Variants in EAPP observed in about 807,000 individuals in gnomAD.
EAPP encodes the protein E2F-associated phosphoprotein.
In EAPP, 38 loss-of-function variants were observed where a neutral mutation model predicts 34.3. The ratio of observed to expected loss-of-function variants is 1.11; its 90% CI spans 0.85 to 1.45. EAPP has a LOEUF of 1.45. EAPP is among the 40% of genes most tolerant of loss of function. The pLI is 0.00. For synonymous variants in EAPP, 113 were observed against 117.6 expected (o/e 0.96, Z 0.25); for missense variants, 338 against 343.7 (o/e 0.98, Z 0.13).
Position 34,518,236 on chromosome 14 carries a change from T to C in EAPP, c.582-1650A>G, listed in dbSNP as rs550901205. ...GTTTCTTTATGGTTTTCTATCTGGATGATCTGTCCATTACTGAGAGTGGAG... is the reference window on the plus strand; with the variant it reads ...GTTTCTTTATGGTTTTCTATCTGGACGATCTGTCCATTACTGAGAGTGGAG... On this transcript the variant is annotated intron_variant, in intron 5 of 5. Transcript: ENST00000250454. Among the ~76,000 whole-genome samples the C allele has an allele frequency of 1.4e-4, 21 of 152,144 alleles. 1 individual carries two copies. The South Asian group carries it at 4.3e-3, about 32-fold the overall frequency.
At chr14:34,521,921 A>C (rs1217485488) in intron 5 of EAPP, among the ~76,000 whole-genome samples, 1 of 152,100 alleles carries the variant, frequency 6.6e-6, no homozygotes, top group Non-Finnish European at 1.5e-5. Flanking sequence ...GGCGTGAGCC[A>C]CTGTGCCCGG....
intron 3 of EAPP, 55 bp from the exon 4 acceptor site, chr14:34,529,530 C>CA: frequency 8.1e-7 from 1 of 1,230,740 alleles, no homozygotes; most frequent in Non-Finnish European, 1.2e-6. Flanking sequence ...GTTCACACTT[C>CA]TTTAAATGAA....
chr14:34,539,159 CAACA>C (rs1880572553), intron 1 of EAPP: 1 of 338,638 alleles, frequency 3.0e-6, no homozygotes, highest in South Asian at 2.5e-5. Flanking sequence ...GTGAGCCTCA[CAACA>C]AACATAGTGT....
In EAPP at chr14:34,536,138, G is replaced by C; in HGVS notation, c.212C>G (p.Ser71Cys). The change falls in exon 2 of 6, where the codon TCT becomes TGT. Residue 71 changes from serine (S) to cysteine (C), a missense_variant. Ser to Cys is a moderately radical substitution (Grantham distance 112, BLOSUM62 -1). Transcript: ENST00000250454. ...FEKEMEAELN[S>C]TMKTMEDKLS... ...CTTGTCCTCCATTGTTTTCATGGTAGAATTTAATTCAGCTTCCATCTCCTT... is the reference window on the plus strand; with the variant it reads ...CTTGTCCTCCATTGTTTTCATGGTACAATTTAATTCAGCTTCCATCTCCTT... The C allele has an allele frequency of 2.5e-6, 4 of 1,612,466 alleles. No homozygotes were observed. Among genetic ancestry groups the C allele is most frequent in the Non-Finnish European group, 1.7e-6 (2 of 1,179,544 alleles).
At chr14:34,531,384 C>T (rs549640421) in intron 3 of EAPP, among the ~76,000 whole-genome samples, 60 of 152,104 alleles carry the variant, frequency 3.9e-4, no homozygotes, top group African/African-American at 1.3e-3. Context: ...GGGCGGATCA[C>T]GAGGTCAGGA....
chr14:34,529,581 C>T, intron 3 of EAPP, 106 bp from the exon 4 acceptor site: 1 of 962,868 alleles, frequency 1.0e-6, no homozygotes, highest in Non-Finnish European at 1.6e-6. Context: ...TATATTTTCC[C>T]TAAAAAGTTA....
chr14:34,529,129 C>T (rs932483699), intron 4 of EAPP, among the ~76,000 whole-genome samples: 1 of 151,974 alleles, frequency 6.6e-6, no homozygotes, highest in African/African-American at 2.4e-5. Flanking sequence ...GTGCAAGACT[C>T]TGTCTCAAAA....
chr14:34,520,701 C>A (rs1401690614), intron 5 of EAPP, among the ~76,000 whole-genome samples: 2 of 152,116 alleles, frequency 1.3e-5, no homozygotes, highest in Non-Finnish European at 2.9e-5. Context: ...AGGGGTTTCA[C>A]CGTGTTGGCC....
At chr14:34,539,133 C>G in intron 1 of EAPP, 1 of 299,014 alleles carries the variant, frequency 3.3e-6, no homozygotes, top group Non-Finnish European at 6.8e-6. Context: ...AAGATGGACA[C>G]TTCACATTAA....
chr14:34,536,817 G>A (rs868319265), intron 1 of EAPP, among the ~76,000 whole-genome samples: 1 of 151,894 alleles, frequency 6.6e-6, no homozygotes, highest in Non-Finnish European at 1.5e-5. Context: ...GGGCTCAAGC[G>A]ATTCTCCTGC....
intron 4 of EAPP, among the ~76,000 whole-genome samples, chr14:34,525,555 A>C (rs1296520372): frequency 1.3e-5 from 2 of 152,182 alleles, no homozygotes; most frequent in Non-Finnish European, 2.9e-5. Context: ...CCTCAAAGTA[A>C]TTAAGGGCAC....
At chr14:34,533,936 G>A (rs1880379627) in intron 2 of EAPP, among the ~76,000 whole-genome samples, 2 of 152,134 alleles carry the variant, frequency 1.3e-5, no homozygotes, top group African/African-American at 4.8e-5. Context: ...CAGGAGGAAT[G>A]AGTCAAGGAC....
chr14:34,536,569 A>C, intron 1 of EAPP: 1 of 193,314 alleles, frequency 5.2e-6, no homozygotes, highest in Non-Finnish European at 1.0e-5. Flanking sequence ...AGTTCAAGCA[A>C]TCCTCCCACC....
intron 2 of EAPP, among the ~76,000 whole-genome samples, chr14:34,534,921 C>A (rs1330049263): frequency 6.6e-6 from 1 of 151,824 alleles, no homozygotes; most frequent in Non-Finnish European, 1.5e-5. Context: ...CTCACTGCAA[C>A]CTCTGCCTCC....
At chr14:34,517,519 G>A (rs978613480) in intron 5 of EAPP, among the ~76,000 whole-genome samples, 10 of 152,066 alleles carry the variant, frequency 6.6e-5, no homozygotes, top group African/African-American at 2.4e-4. Context: ...AAAGTGCTGG[G>A]ATTACAGGCA....
chr14:34,539,137 A>G, intron 1 of EAPP: 1 of 300,262 alleles, frequency 3.3e-6, no homozygotes, highest in Non-Finnish European at 6.8e-6. Flanking sequence ...TGGACACTTC[A>G]CATTAAGTCC....
intron 5 of EAPP, among the ~76,000 whole-genome samples, chr14:34,523,555 G>C (rs1474836900): frequency 2.2e-5 from 3 of 139,164 alleles, no homozygotes; most frequent in African/African-American, 8.1e-5. Flanking sequence ...AGAGAGAGAT[G>C]GGGATCTCAC....
chr14:34,539,130 A>G (rs1880571445), intron 1 of EAPP: 1 of 290,842 alleles, frequency 3.4e-6, no homozygotes, highest in Admixed American at 4.3e-5. Flanking sequence ...TTCAAGATGG[A>G]CACTTCACAT....
intron 3 of EAPP, among the ~76,000 whole-genome samples, chr14:34,533,150 T>C (rs1880351087): frequency 6.6e-6 from 1 of 152,182 alleles, no homozygotes; most frequent in African/African-American, 2.4e-5. Context: ...TTCTCTTGCC[T>C]CAGCCTCCCA....
Sources: allele counts gnomAD v4.1 joint callset (sites outside exome capture counted in the v4.1 genomes callset), GRCh38; gene constraint gnomAD v4.1.1; transcripts MANE v1.5; gene names NCBI Gene and HGNC (gene_info 2026-07-23, HGNC 2026-07-21).